Variants in RALB observed in about 807,000 individuals in gnomAD.
RALB encodes RAS like proto-oncogene B, also known as ras-related protein Ral-B.
A neutral mutation model predicts 21.3 loss-of-function variants in RALB; 16 were observed. The observed-to-expected ratio is 0.75, with a 90% CI of 0.51 to 1.14. The LOEUF (loss-of-function observed/expected upper bound fraction) is 1.14. Ranked by LOEUF, RALB falls within the 50% of genes most tolerant of loss-of-function variation. RALB has a pLI of 0.00. For missense variants in RALB, 161 were observed against 256.2 expected, an observed-to-expected ratio of 0.63 and a Z score of 2.54; for synonymous variants, 93 against 96.1, an observed-to-expected ratio of 0.97 and a Z score of 0.19.
At chr2:120,259,753 T>C (rs1573327306) in intron 1 of RALB, among the ~76,000 whole-genome samples, 6 of 152,332 alleles carry the variant, frequency 3.9e-5, no homozygotes, top group Admixed American at 2.6e-4. Context: ...TGCACTTGCA[T>C]TCCTCAGCCC....
intron 1 of RALB, among the ~76,000 whole-genome samples, chr2:120,264,516 A>G (rs1573332566): frequency 2.0e-5 from 3 of 150,842 alleles, no homozygotes; most frequent in African/African-American, 7.4e-5. Flanking sequence ...TAGCTTCTTA[A>G]TGGCAGAATT....
At chr2:120,261,340 G>C (rs190100236) in intron 1 of RALB, among the ~76,000 whole-genome samples, 5 of 152,228 alleles carry the variant, frequency 3.3e-5, no homozygotes, top group African/African-American at 1.2e-4. Context: ...CCTTTGCTAA[G>C]AGCAGGAATG....
intron 2 of RALB, 129 bp from the exon 3 acceptor site, chr2:120,285,745 G>T (rs777634632): frequency 1.4e-6 from 1 of 707,736 alleles, no homozygotes; most frequent in African/African-American, 1.8e-5. Context: ...GAACAGAAGT[G>T]TTACGTAAAA....
At chr2:120,284,940 GT>G (rs746770128) in intron 2 of RALB, among the ~76,000 whole-genome samples, 2 of 152,154 alleles carry the variant, frequency 1.3e-5, no homozygotes, top group African/African-American at 2.4e-5. Context: ...GTTGTTCCAT[GT>G]TGCAGCGTGC....
intron 3 of RALB, among the ~76,000 whole-genome samples, chr2:120,286,729 T>C (rs1690168325): frequency 6.6e-6 from 1 of 152,260 alleles, no homozygotes; most frequent in Non-Finnish European, 1.5e-5. Context: ...GAATTTCATG[T>C]GGGCAAGAAC....
chr2:120,271,584 C>G (rs188617701), intron 1 of RALB, among the ~76,000 whole-genome samples: 41 of 152,342 alleles, frequency 2.7e-4, no homozygotes, highest in Non-Finnish European at 5.3e-4. Context: ...TTTGGAGACT[C>G]ATTACCCAGG....
chr2:120,294,443 A>C lies in RALB; in HGVS notation c.*1183A>C. On this transcript the variant is annotated 3_prime_UTR_variant, in exon 5 of 5. Coordinates refer to ENST00000272519, the MANE Select transcript of RALB (RefSeq NM_002881.3). The stretch of plus-strand genomic sequence containing the variant: ...ACATATCTTTAAACTTTCTTGCATC[A>C]GTATTCTAAATTGAGCAAACTGAAA... 1 of 395,734 alleles carries C rather than the reference A, an allele frequency of 2.5e-6. No homozygotes were observed. The highest frequency in any genetic ancestry group is 4.5e-6 in the Non-Finnish European group (1 of 224,564). The allele number at this position is 395,734 out of a possible 1,614,324, so 24.5% of individuals were successfully genotyped here.
chr2:120,266,407 G>A (rs1215155370), intron 1 of RALB, among the ~76,000 whole-genome samples: 1 of 152,192 alleles, frequency 6.6e-6, no homozygotes, highest in African/African-American at 2.4e-5. Context: ...ACTACGCCCA[G>A]CTAATTTTTA....
Position 120,266,718 on chromosome 2 carries a change from AAAAT to A in RALB, c.-47-11888_-47-11885del, listed in dbSNP as rs575030656. ...AGAATGAGACCTTGTCTTAAAAAAGAAAATAAATAAATAAAAAGCTTACCAGTTA... is the reference window on the plus strand; with the variant it reads ...AGAATGAGACCTTGTCTTAAAAAAGAAAATAAATAAAAAGCTTACCAGTTA... On this transcript the variant is annotated intron_variant, in intron 1 of 4. Coordinates refer to ENST00000272519, the MANE Select transcript of RALB (RefSeq NM_002881.3). Among the ~76,000 whole-genome samples the A allele has an allele frequency of 1.9e-3, 294 of 152,288 alleles. 2 individuals are homozygous for A. The highest frequency in any genetic ancestry group is 6.2e-3 in the African/African-American group (257 of 41,534).
chr2:120,256,502 TCTC>T (rs1234981235), intron 1 of RALB, among the ~76,000 whole-genome samples: 4 of 151,964 alleles, frequency 2.6e-5, no homozygotes, highest in African/African-American at 9.7e-5. Context: ...CCCATACTGT[TCTC>T]CTGATAGTGA....
intron 1 of RALB, among the ~76,000 whole-genome samples, chr2:120,257,878 T>C (rs1689237877): frequency 6.6e-6 from 1 of 152,236 alleles, no homozygotes; most frequent in African/African-American, 2.4e-5. Flanking sequence ...TTAGCCAATG[T>C]GTTACCTCTA....
chr2:120,251,330 T>A (rs545454716), upstream of RALB, among the ~76,000 whole-genome samples: 1 of 152,328 alleles, frequency 6.6e-6, no homozygotes, highest in South Asian at 2.1e-4. Context: ...ATCACACACT[T>A]GACTGTACAT....
At chr2:120,240,281 A>ATT (rs1558941415) in intron 1 of RALB, among the ~76,000 whole-genome samples, 7 of 142,840 alleles carry the variant, frequency 4.9e-5, no homozygotes, top group East Asian at 2.0e-4. Flanking sequence ...CTACTTTTTT[A>ATT]TTTTTATTTT....
At chr2:120,274,247 C>G (rs186240257) in intron 1 of RALB, among the ~76,000 whole-genome samples, 426 of 152,172 alleles carry the variant, frequency 2.8e-3, no homozygotes, top group African/African-American at 9.4e-3. Context: ...TAAACTCAAG[C>G]CTTTTGGGGA....
At chr2:120,261,711 GA>G (rs1689372008) in intron 1 of RALB, among the ~76,000 whole-genome samples, 1 of 152,208 alleles carries the variant, frequency 6.6e-6, no homozygotes, top group Non-Finnish European at 1.5e-5. Flanking sequence ...GTATCTGCAA[GA>G]GGGCTTTTCT....
intron 3 of RALB, among the ~76,000 whole-genome samples, chr2:120,289,229 A>AT (rs886990791): frequency 3.7e-4 from 48 of 128,866 alleles, no homozygotes; most frequent in African/African-American, 1.1e-3. Context: ...GAGATTGACC[A>AT]TTTTTCTTCT....
chr2:120,279,419 G>A (rs1261744230), intron 2 of RALB, among the ~76,000 whole-genome samples: 3 of 152,038 alleles, frequency 2.0e-5, no homozygotes, highest in South Asian at 2.1e-4. Context: ...AGAATGAAAC[G>A]TTGCGGAATG....
At chr2:120,261,448 G>T (rs552601243) in intron 1 of RALB, among the ~76,000 whole-genome samples, 1 of 152,314 alleles carries the variant, frequency 6.6e-6, no homozygotes, top group Admixed American at 6.5e-5. Context: ...ATGGCTTGGT[G>T]TTCTCTGGGA....
rs1573333021 is a variant in RALB at position 120,264,977 on chromosome 2, T to C, written c.-48+11997T>C. Among the ~76,000 whole-genome samples, 6 of 152,366 alleles carry C rather than the reference T, an allele frequency of 3.9e-5. No homozygotes were observed. In the South Asian group the frequency reaches 1.2e-3, roughly 32 times the overall value. ...GAATATTCTACATTTACACCACATC[T>C]GATTTATCTGTTTATCTATTGATGG... On this transcript the variant is annotated intron_variant, in intron 1 of 4. Transcript: ENST00000272519.
Sources: allele counts gnomAD v4.1 joint callset (sites outside exome capture counted in the v4.1 genomes callset), GRCh38; gene constraint gnomAD v4.1.1; transcripts MANE v1.5; gene names NCBI Gene and HGNC (gene_info 2026-07-23, HGNC 2026-07-21).